Variants in GSTO2 observed in about 807,000 individuals in gnomAD.
GSTO2 encodes the protein glutathione S-transferase omega-2.
A neutral mutation model predicts 28.4 loss-of-function variants in GSTO2; 23 were observed. That is an observed-to-expected ratio of 0.81 (90% CI 0.58 to 1.15). The LOEUF is 1.15. Among genes scored for constraint, GSTO2 ranks in the 50% most tolerant of loss-of-function variants. The pLI, the probability that GSTO2 is intolerant of heterozygous loss-of-function variation, is 0.00. For missense variants in GSTO2, 298 were observed against 297.8 expected (o/e 1.00, Z 0.00); for synonymous variants, 109 against 111.0 (o/e 0.98, Z 0.11).
intron 3 of GSTO2, 53 bp downstream of exon 3, chr10:104,275,387 C>T: frequency 6.4e-7 from 1 of 1,557,548 alleles, no homozygotes; most frequent in Non-Finnish European, 8.8e-7. Flanking sequence ...TCACAGGAGC[C>T]CGGGAATGTT....
chr10:104,279,527 C>G, intron 5 of GSTO2, 56 bp downstream of exon 5: 1 of 1,236,828 alleles, frequency 8.1e-7, no homozygotes, highest in Non-Finnish European at 1.2e-6. Flanking sequence ...TAGGCAGGGT[C>G]GCTAACCTGG....
chr10:104,299,866 C>G lies in GSTO2; in HGVS notation c.*582C>G, dbSNP rs1589879851. 6.4e-6 allele frequency: 1 copy of G among 156,854 alleles called. No individual in the cohort carries two copies. Among genetic ancestry groups the G allele is most frequent in the East Asian group, 1.9e-4 (1 of 5,220 alleles). The allele number at this position is 156,854 out of a possible 1,614,324, so 9.7% of individuals were successfully genotyped here. A position where few individuals can be genotyped will look rare whatever the true frequency, so the allele number is the denominator to read the frequency against. ...GCCTGTGTGCCTCCTAACTCCTTGG[C>G]CTTCAGCCTAGTTTGATCTCCAGAT... On this transcript the variant is annotated 3_prime_UTR_variant, in exon 7 of 7. Coordinates refer to ENST00000338595, the MANE Select transcript of GSTO2 (RefSeq NM_183239.2).
chr10:104,289,365 G>T (rs763715750), intron 5 of GSTO2, among the ~76,000 whole-genome samples: 1 of 152,152 alleles, frequency 6.6e-6, no homozygotes, highest in Admixed American at 6.5e-5. Context: ...CAAAGTACTA[G>T]GATAAAAGGT....
intron 5 of GSTO2, among the ~76,000 whole-genome samples, chr10:104,290,630 C>T (rs1036055017): frequency 1.3e-5 from 2 of 152,074 alleles, no homozygotes; most frequent in Non-Finnish European, 2.9e-5. Flanking sequence ...TTAAGTGAAA[C>T]AAGCCAGGCA....
rs1396509288 is a variant in GSTO2 at position 104,300,686 on chromosome 10, T to A, written c.*1402T>A. On this transcript the variant is annotated 3_prime_UTR_variant, in exon 7 of 7. Coordinates refer to ENST00000338595, the MANE Select transcript of GSTO2 (RefSeq NM_183239.2). ...GCTGTTTCATCTCAGTGTCTGAGGA[T>A]CAGCCTGTGATCATTTCAGCTTTGC... is the stretch of plus-strand genomic sequence containing the variant. 1 of 152,264 alleles carries A rather than the reference T, an allele frequency of 6.6e-6. No homozygotes were observed. Among genetic ancestry groups the A allele is most frequent in the African/African-American group, 2.4e-5 (1 of 41,446 alleles). The allele number at this position is 152,264 out of a possible 1,614,324, so 9.4% of individuals were successfully genotyped here. A position where few individuals can be genotyped will look rare whatever the true frequency, so the allele number is the denominator to read the frequency against.
chr10:104,277,784 C>G, intron 3 of GSTO2, 110 bp from the exon 4 acceptor site: 1 of 682,854 alleles, frequency 1.5e-6, no homozygotes, highest in Non-Finnish European at 2.6e-6. Context: ...CCTTAAAACA[C>G]TAATTGCAAA....
chr10:104,285,629 T>G (rs1212002472), intron 5 of GSTO2, among the ~76,000 whole-genome samples: 1 of 152,014 alleles, frequency 6.6e-6, no homozygotes, highest in African/African-American at 2.4e-5. Context: ...TGTTTTTGTT[T>G]TTATTTGTTT....
chr10:104,278,475 G>A (rs2011783388), intron 4 of GSTO2, among the ~76,000 whole-genome samples: 1 of 152,172 alleles, frequency 6.6e-6, no homozygotes, highest in South Asian at 2.1e-4. Flanking sequence ...CATAGAAGGT[G>A]ATGCTTTTTT....
At chr10:104,290,315 G>A (rs1054692080) in intron 5 of GSTO2, among the ~76,000 whole-genome samples, 1 of 152,100 alleles carries the variant, frequency 6.6e-6, no homozygotes, top group Non-Finnish European at 1.5e-5. Context: ...AGACCAGCCT[G>A]GCCAACATGG....
In GSTO2 at chr10:104,277,910, A is replaced by C; in HGVS notation, c.160A>C (p.Ile54Leu). The change falls in exon 4 of 7, where the codon ATT (isoleucine) becomes CTT (leucine). Residue 54 changes from isoleucine to leucine, a missense_variant. Physicochemically the swap from Ile to Leu is conservative, Grantham distance 5 (BLOSUM62 2). Coordinates refer to ENST00000338595, the MANE Select transcript of GSTO2 (RefSeq NM_183239.2). ...AKDIRHEVVN[I>L]NLRNKPEWYY... Reference sequence around the variant, plus strand: ...CTTTTTAAGACATGAAGTGGTCAACATTAACCTGAGAAACAAGCCTGAATG... The same window carrying C: ...CTTTTTAAGACATGAAGTGGTCAACCTTAACCTGAGAAACAAGCCTGAATG... 6.2e-7 allele frequency: 1 copy of C among 1,613,810 alleles called. No individual in the cohort carries two copies. Among genetic ancestry groups the C allele is most frequent in the Non-Finnish European group, 8.5e-7 (1 of 1,179,714 alleles).
At position 104,299,335 on chromosome 10, in the gene GSTO2, T is replaced by G. The variant is rs779553594; in HGVS notation, c.*51T>G. On this transcript the variant is annotated 3_prime_UTR_variant, in exon 7 of 7. Transcript: ENST00000338595. Reference sequence around the variant, plus strand: ...CCAGAATTCCCCAGCTTGTTGGGAGTCTACGTCACGGCTTGTCTTGGGAAC... The same window carrying G: ...CCAGAATTCCCCAGCTTGTTGGGAGGCTACGTCACGGCTTGTCTTGGGAAC... 1 of 1,597,046 alleles carries G rather than the reference T, an allele frequency of 6.3e-7. No homozygotes were observed. Among genetic ancestry groups the G allele is most frequent in the Non-Finnish European group, 8.5e-7 (1 of 1,169,778 alleles).
intron 1 of GSTO2, among the ~76,000 whole-genome samples, chr10:104,271,915 C>G: frequency 6.6e-6 from 1 of 152,340 alleles, no homozygotes; most frequent in East Asian, 1.9e-4. Flanking sequence ...TGGGCTAAAT[C>G]CAACCAATTG....
At chr10:104,289,913 A>G (rs186388643) in intron 5 of GSTO2, among the ~76,000 whole-genome samples, 1 of 152,346 alleles carries the variant, frequency 6.6e-6, no homozygotes, top group African/African-American at 2.4e-5. Context: ...AATGGCTTAC[A>G]TCCAAAAGAC....
In GSTO2 at chr10:104,275,427, A is replaced by T. The variant is rs2011587088; in HGVS notation, c.143+93A>T. The T allele has an allele frequency of 2.5e-5, 28 of 1,132,268 alleles. No individual in the cohort carries two copies. In the South Asian group the frequency reaches 4.0e-4, roughly 16 times the overall value. 70.1% of individuals were successfully genotyped at this position (1,132,268 alleles called of 1,614,324 possible). Reference sequence around the variant, plus strand: ...ATCTGGGGCGCCCTGCTCAGCTTTTACAAGGGGCTCCCTGTCCCTTTTTTC... The same window carrying T: ...ATCTGGGGCGCCCTGCTCAGCTTTTTCAAGGGGCTCCCTGTCCCTTTTTTC... On this transcript the variant is annotated intron_variant, in intron 3 of 6. Transcript: ENST00000338595.
At chr10:104,275,410 C>A in intron 3 of GSTO2, 76 bp downstream of exon 3, 2 of 1,362,152 alleles carry the variant, frequency 1.5e-6, no homozygotes, top group South Asian at 1.2e-5. Context: ...ACATCTGGGG[C>A]GCCCTGCTCA....
intron 5 of GSTO2, among the ~76,000 whole-genome samples, chr10:104,279,896 C>T (rs1384934532): frequency 1.3e-5 from 2 of 152,130 alleles, no homozygotes; most frequent in African/African-American, 4.8e-5. Flanking sequence ...CATACGGTGG[C>T]TCACACCTGT....
chr10:104,269,421 G>T lies in GSTO2; in HGVS notation c.-232+152G>T, dbSNP rs45484701. On this transcript the variant is annotated intron_variant, in intron 1 of 6. Coordinates refer to ENST00000338595, the MANE Select transcript of GSTO2 (RefSeq NM_183239.2). ...TTACGAGAAATCCTATTTAGCCTTG[G>T]CCACTGTTGCATCAAAGAATTTCAC... is the stretch of plus-strand genomic sequence containing the variant. Among the ~76,000 whole-genome samples, 774 of 152,324 alleles carry T rather than the reference G, an allele frequency of 5.1e-3. 12 individuals carry two copies. Among genetic ancestry groups the T allele is most frequent in the African/African-American group, 0.017 (714 of 41,574 alleles).
intron 1 of GSTO2, among the ~76,000 whole-genome samples, chr10:104,272,706 C>A (rs1393160143): frequency 6.7e-6 from 1 of 149,014 alleles, no homozygotes; most frequent in Non-Finnish European, 1.5e-5. Flanking sequence ...CTCCGCCTCC[C>A]GGGTTCACGC....
intron 5 of GSTO2, among the ~76,000 whole-genome samples, chr10:104,287,720 T>A (rs992001015): frequency 1.7e-4 from 26 of 151,574 alleles, no homozygotes; most frequent in Non-Finnish European, 2.9e-5. Flanking sequence ...TGTCTCACAC[T>A]GGGAAGGGGG....
Sources: allele counts gnomAD v4.1 joint callset (sites outside exome capture counted in the v4.1 genomes callset), GRCh38; gene constraint gnomAD v4.1.1; transcripts MANE v1.5; gene names NCBI Gene and HGNC (gene_info 2026-07-23, HGNC 2026-07-21).